Variants in CRLS1 observed in about 807,000 individuals in gnomAD.
The protein encoded by CRLS1 is cardiolipin synthase 1.
CRLS1 carries 24 observed loss-of-function variants against 37.0 expected under a neutral mutation model. The ratio of observed to expected loss-of-function variants is 0.65; its 90% CI spans 0.47 to 0.91. The LOEUF is 0.91. Ranked by LOEUF, CRLS1 falls within the 40% of genes least tolerant of loss-of-function variation. The pLI, the probability that CRLS1 is intolerant of heterozygous loss-of-function variation, is 0.00. For synonymous variants in CRLS1, 135 were observed against 159.7 expected, an observed-to-expected ratio of 0.85 and a Z score of 1.17; for missense variants, 373 against 395.8, an observed-to-expected ratio of 0.94 and a Z score of 0.49.
intron 3 of CRLS1, among the ~76,000 whole-genome samples, chr20:6,025,068 T>A (rs1359473868): frequency 6.6e-6 from 1 of 152,082 alleles, no homozygotes; most frequent in Non-Finnish European, 1.5e-5. Flanking sequence ...ATACAGAAAA[T>A]CTAGCTAATG....
chr20:6,019,467 G>C (rs1050818997), intron 3 of CRLS1, among the ~76,000 whole-genome samples: 3 of 149,368 alleles, frequency 2.0e-5, no homozygotes, highest in Non-Finnish European at 4.4e-5. Context: ...ATGTCTGTAG[G>C]ATATGTAGTA....
rs1980678230 is a variant in CRLS1 at position 6,037,818 on chromosome 20, A to G, written c.*660A>G. On this transcript the variant is annotated 3_prime_UTR_variant, in exon 7 of 7. Transcript: ENST00000378863. Reference sequence around the variant, plus strand: ...TTTGAGGATAACAGGTAACAAAGATAGTCGAGATAGGAGAACGTGTCTATT... The same window carrying G: ...TTTGAGGATAACAGGTAACAAAGATGGTCGAGATAGGAGAACGTGTCTATT... 6.6e-6 allele frequency: 1 copy of G among 152,236 alleles called. No homozygotes were observed. The allele number at this position is 152,236 out of a possible 1,614,324, so 9.4% of individuals were successfully genotyped here.
At chr20:6,007,347 GA>G (rs1889336910) in intron 1 of CRLS1, 1 of 1,611,384 alleles carries the variant, frequency 6.2e-7, no homozygotes, top group Non-Finnish European at 8.5e-7. Context: ...TGGATACTTT[GA>G]AGTTGCCATA....
At chr20:6,023,936 AT>A (rs1979472921) in intron 3 of CRLS1, among the ~76,000 whole-genome samples, 2 of 141,566 alleles carry the variant, frequency 1.4e-5, no homozygotes, top group African/African-American at 5.5e-5. Flanking sequence ...ATATGTGCTC[AT>A]TTTGCCTCTC....
At chr20:6,009,607 G>T (rs1218628002) in intron 1 of CRLS1, among the ~76,000 whole-genome samples, 168 bp from the exon 2 acceptor site, 1 of 152,142 alleles carries the variant, frequency 6.6e-6, no homozygotes, top group Non-Finnish European at 1.5e-5. Flanking sequence ...GGAGATATCT[G>T]TAAAAAGAAC....
Position 6,038,470 on chromosome 20 carries a change from G to A in CRLS1, c.*1312G>A, listed in dbSNP as rs1980728830. ...CCTCTGTGGCTTGCTGGTCCTGGTT[G>A]TTCTCAGACTGGCAGCTGAGCTGCG... On this transcript the variant is annotated 3_prime_UTR_variant, in exon 7 of 7. Coordinates refer to ENST00000378863, the MANE Select transcript of CRLS1 (RefSeq NM_019095.6). 1 of 152,266 alleles carries A rather than the reference G, an allele frequency of 6.6e-6. No homozygotes were observed. Among genetic ancestry groups the A allele is most frequent in the Non-Finnish European group, 1.5e-5 (1 of 68,062 alleles). The allele number at this position is 152,266 out of a possible 1,614,324, so 9.4% of individuals were successfully genotyped here.
chr20:6,019,512 C>CT lies in CRLS1; in HGVS notation c.574+4040dup, dbSNP rs10610960. ...TTTTCCTCTTGATTATTTTTTGTCC[C>CT]TTTTTTTTTTTTTTTTTTCATCTTT... On this transcript the variant is annotated intron_variant, in intron 3 of 6. Transcript: ENST00000378863. Among the ~76,000 whole-genome samples, 84 of 118,486 alleles carry CT rather than the reference C, an allele frequency of 7.1e-4. No individual in the cohort carries two copies. In the South Asian group the frequency reaches 7.7e-3, roughly 11 times the overall value. The allele number at this position is 118,486 out of a possible 152,430, so 77.7% of individuals were successfully genotyped here.
At chr20:6,034,656 C>A in intron 6 of CRLS1, 101 bp downstream of exon 6, 1 of 800,062 alleles carries the variant, frequency 1.2e-6, no homozygotes, top group Non-Finnish European at 2.0e-6. Flanking sequence ...TGAGCACTGA[C>A]TGGGTAAAGC....
Position 6,006,317 on chromosome 20 carries a change from G to A in CRLS1, c.71G>A (p.Arg24Gln). 2 of 1,333,664 alleles carry A rather than the reference G, an allele frequency of 1.5e-6. No individual in the cohort carries two copies. The highest frequency in any genetic ancestry group is 1.9e-6 in the Non-Finnish European group (2 of 1,042,026). 82.6% of individuals were successfully genotyped at this position (1,333,664 alleles called of 1,614,324 possible). Residue 24 changes from arginine to glutamine, a missense_variant, in exon 1 of 7, where the codon CGG (arginine) becomes CAG (glutamine). By Grantham distance (43) the Arg-to-Gln change is conservative. Coordinates refer to ENST00000378863, the MANE Select transcript of CRLS1 (RefSeq NM_019095.6). ...LRGAAWAPGT[R>Q]PSKRRACWAL... ...GGCGCCGCTTGGGCTCCGGGAACGCGGCCGAGTAAGCGACGCGCCTGCTGG... is the reference window on the plus strand; with the variant it reads ...GGCGCCGCTTGGGCTCCGGGAACGCAGCCGAGTAAGCGACGCGCCTGCTGG...
intron 3 of CRLS1, among the ~76,000 whole-genome samples, chr20:6,022,131 T>C (rs893992893): frequency 6.6e-6 from 1 of 152,332 alleles, no homozygotes; most frequent in Non-Finnish European, 1.5e-5. Flanking sequence ...GTCTGAAGTA[T>C]GTTCTTTTGG....
chr20:6,024,676 G>A (rs374033081), intron 3 of CRLS1, among the ~76,000 whole-genome samples: 6 of 152,354 alleles, frequency 3.9e-5, no homozygotes, highest in African/African-American at 1.4e-4. Flanking sequence ...GAGGCTGAAA[G>A]CTAGGCCGGT....
At chr20:6,010,969 A>G (rs1347483182) in intron 2 of CRLS1, among the ~76,000 whole-genome samples, 2 of 151,992 alleles carry the variant, frequency 1.3e-5, no homozygotes, top group Non-Finnish European at 2.9e-5. Flanking sequence ...GTGAGCTATG[A>G]TCGCACCACT....
chr20:6,032,038 T>C lies in CRLS1; in HGVS notation c.687T>C (p.Pro229=). 6.2e-7 allele frequency: 1 copy of C among 1,612,942 alleles called. No individual in the cohort carries two copies. The highest frequency in any genetic ancestry group is 8.5e-7 in the Non-Finnish European group (1 of 1,179,134). Residue 229 remains proline (P), a synonymous_variant, in exon 5 of 7, where the codon CCT becomes CCC. Coordinates refer to ENST00000378863, the MANE Select transcript of CRLS1 (RefSeq NM_019095.6). ...GAACACTTGCCAAGTATTTCAATCCTTGCTATGCCACTGCTAGGTTAAAAC... is the reference window on the plus strand; with the variant it reads ...GAACACTTGCCAAGTATTTCAATCCCTGCTATGCCACTGCTAGGTTAAAAC... ...TPRTLAKYFN[P]CYATARLKPT... is the part of the protein sequence containing the mutation.
intron 2 of CRLS1, among the ~76,000 whole-genome samples, chr20:6,011,584 T>C (rs1393163065): frequency 4.2e-4 from 40 of 94,522 alleles, no homozygotes; most frequent in African/African-American, 1.6e-3. Context: ...TTTTTTTTTT[T>C]TTTTTTTTTT....
chr20:6,036,769 G>T (rs1408688903), intron 6 of CRLS1, among the ~76,000 whole-genome samples: 1 of 152,164 alleles, frequency 6.6e-6, no homozygotes, highest in Middle Eastern at 3.2e-3. Context: ...TTCGTTGTAA[G>T]AATAAAATGA....
chr20:6,009,060 C>T (rs774270596), intron 1 of CRLS1, among the ~76,000 whole-genome samples: 2 of 152,240 alleles, frequency 1.3e-5, no homozygotes, highest in Non-Finnish European at 2.9e-5. Context: ...CATGCTGGCT[C>T]ACGCCTGTAA....
intron 3 of CRLS1, among the ~76,000 whole-genome samples, chr20:6,024,958 A>G (rs1402334819): frequency 6.6e-6 from 1 of 152,232 alleles, no homozygotes; most frequent in Non-Finnish European, 1.5e-5. Flanking sequence ...GTTGGAAGCT[A>G]GCCAACCTTG....
At chr20:6,011,066 G>A (rs2090125616) in intron 2 of CRLS1, among the ~76,000 whole-genome samples, 1 of 151,924 alleles carries the variant, frequency 6.6e-6, no homozygotes, top group Non-Finnish European at 1.5e-5. Flanking sequence ...ACATAGTTGA[G>A]GGAAGTGTGG....
At chr20:6,035,786 G>A (rs1415757190) in intron 6 of CRLS1, among the ~76,000 whole-genome samples, 5 of 150,512 alleles carry the variant, frequency 3.3e-5, no homozygotes, top group Admixed American at 2.6e-4. Flanking sequence ...CACCACACCT[G>A]GCTATTTTTT....
Sources: allele counts gnomAD v4.1 joint callset (sites outside exome capture counted in the v4.1 genomes callset), GRCh38; gene constraint gnomAD v4.1.1; transcripts MANE v1.5; gene names NCBI Gene and HGNC (gene_info 2026-07-23, HGNC 2026-07-21).